ADAMTS17: variants seen among roughly 807,000 people sequenced by gnomAD.
ADAMTS17 encodes A disintegrin and metalloproteinase with thrombospondin motifs 17.
In ADAMTS17, 113 loss-of-function variants were observed where a neutral mutation model predicts 141.5. The observed-to-expected ratio is 0.80, with a 90% CI of 0.69 to 0.93. The LOEUF (loss-of-function observed/expected upper bound fraction) is 0.93. Ranked by LOEUF, ADAMTS17 falls within the 40% of genes least tolerant of loss-of-function variation. The pLI, the probability that ADAMTS17 is intolerant of heterozygous loss-of-function variation, is 0.00. For missense variants in ADAMTS17, 1,659 were observed against 1,517.9 expected, an observed-to-expected ratio of 1.09 and a Z score of -1.54; for synonymous variants, 768 against 630.6, an observed-to-expected ratio of 1.22 and a Z score of -3.27.
chr15:100,236,364 C>A (rs1490588099), intron 7 of ADAMTS17, among the ~76,000 whole-genome samples: 1 of 151,520 alleles, frequency 6.6e-6, no homozygotes, highest in Non-Finnish European at 1.5e-5. Context: ...GTCCCCACAC[C>A]AGCACCACCA....
At chr15:100,124,888 G>A (rs1256182854) in intron 12 of ADAMTS17, among the ~76,000 whole-genome samples, 1 of 152,210 alleles carries the variant, frequency 6.6e-6, no homozygotes, top group Non-Finnish European at 1.5e-5. Context: ...GCCCAGAGCA[G>A]AGAAGCAGCA....
intron 15 of ADAMTS17, among the ~76,000 whole-genome samples, chr15:100,086,886 G>A (rs1302610703): frequency 6.6e-6 from 1 of 152,086 alleles, no homozygotes. Context: ...ACAAGAGAAA[G>A]CAGGAAAGAT....
chr15:99,990,284 C>T (rs569700123), intron 20 of ADAMTS17, among the ~76,000 whole-genome samples: 46 of 152,244 alleles, frequency 3.0e-4, no homozygotes, highest in African/African-American at 1.1e-3. Context: ...AGCAATCCTG[C>T]CTTGGCCTCC....
At chr15:100,219,745 T>A (rs1262114618) in intron 7 of ADAMTS17, among the ~76,000 whole-genome samples, 1 of 152,140 alleles carries the variant, frequency 6.6e-6, no homozygotes, top group African/African-American at 2.4e-5. Flanking sequence ...TGGGTAAAAG[T>A]AAAAGGCCCC....
intron 8 of ADAMTS17, among the ~76,000 whole-genome samples, chr15:100,177,270 A>C (rs2040370614): frequency 6.6e-6 from 1 of 152,194 alleles, no homozygotes; most frequent in South Asian, 2.1e-4. Flanking sequence ...GTCTTTTCTA[A>C]TGTAAGCACT....
chr15:100,070,678 T>G (rs1396939235), intron 15 of ADAMTS17, among the ~76,000 whole-genome samples: 2 of 149,850 alleles, frequency 1.3e-5, no homozygotes, highest in South Asian at 2.1e-4. Flanking sequence ...GAAATAAAGA[T>G]GTTCTTTGAC....
Position 100,281,298 on chromosome 15 carries a change from G to A in ADAMTS17, c.720C>T (p.Ala240=), listed in dbSNP as rs1365475548. 9.3e-6 allele frequency: 15 copies of A among 1,609,108 alleles called. No individual in the cohort carries two copies. Among genetic ancestry groups the A allele is most frequent in the East Asian group, 8.9e-5 (4 of 44,888 alleles). ...CGTGGTACTGCACCATGTCGGCGTC[G>A]GCCACCACCAGGGTCTCCACCGTGT... ...SEHTVETLVV[A]DADMVQYHGA... is the part of the protein sequence containing the mutation. Residue 240 remains alanine, a synonymous_variant, in exon 4 of 22, where the codon GCC becomes GCT. Coordinates refer to ENST00000268070, the MANE Select transcript of ADAMTS17 (RefSeq NM_139057.4).
intron 10 of ADAMTS17, among the ~76,000 whole-genome samples, chr15:100,134,866 T>C (rs1310097568): frequency 6.6e-6 from 1 of 152,184 alleles, no homozygotes; most frequent in Non-Finnish European, 1.5e-5. Context: ...GTTCCCATGA[T>C]TGTTCACCCC....
intron 7 of ADAMTS17, among the ~76,000 whole-genome samples, chr15:100,214,416 T>G (rs1054082697): frequency 1.3e-5 from 2 of 152,230 alleles, no homozygotes; most frequent in Non-Finnish European, 1.5e-5. Flanking sequence ...AGTATCTGCT[T>G]TCCAGGCTGA....
intron 12 of ADAMTS17, among the ~76,000 whole-genome samples, chr15:100,119,050 A>C (rs1036836196): frequency 6.6e-6 from 1 of 151,954 alleles, no homozygotes; most frequent in African/African-American, 2.4e-5. Flanking sequence ...AGATACACAC[A>C]CACACACACA....
chr15:100,228,514 G>A lies in ADAMTS17; in HGVS notation c.1075+25622C>T, dbSNP rs1400418871. Among the ~76,000 whole-genome samples, 3 of 152,106 alleles carry A rather than the reference G, an allele frequency of 2.0e-5. No individual in the cohort carries two copies. In the East Asian group the frequency reaches 5.8e-4, roughly 29 times the overall value. ...TGCATTAATGAACTAACTGAAAGAG[G>A]GACTGGACCGAGGAGAAAAGGAAAA... On this transcript the variant is annotated intron_variant, in intron 7 of 21. Coordinates refer to ENST00000268070, the MANE Select transcript of ADAMTS17 (RefSeq NM_139057.4).
intron 10 of ADAMTS17, among the ~76,000 whole-genome samples, chr15:100,136,433 T>A (rs971586408): frequency 2.0e-5 from 3 of 152,220 alleles, no homozygotes; most frequent in African/African-American, 7.2e-5. Flanking sequence ...ATTCTTGTGA[T>A]ACATTTTCAC....
At chr15:100,210,230 CAAAAAAAAAAAA>C (rs34086690) in intron 7 of ADAMTS17, among the ~76,000 whole-genome samples, 17 of 31,186 alleles carry the variant, frequency 5.5e-4, no homozygotes, top group East Asian at 2.5e-3. Context: ...GACTCCATCT[CAAAAAAAAAAAA>C]AAAAAAAAAA....
intron 8 of ADAMTS17, among the ~76,000 whole-genome samples, chr15:100,178,255 T>G (rs1262196709): frequency 6.6e-6 from 1 of 152,146 alleles, no homozygotes; most frequent in Non-Finnish European, 1.5e-5. Flanking sequence ...ATCCTGTGGG[T>G]TACTTGAACA....
Position 100,288,883 on chromosome 15 carries a change from C to T in ADAMTS17, c.617-7482G>A, listed in dbSNP as rs553996347. 3.4e-4 allele frequency among the ~76,000 whole-genome samples: 51 copies of T among 152,194 alleles called. 1 individual carries two copies. The highest frequency in any genetic ancestry group is 3.4e-3 in the Middle Eastern group (1 of 294). On this transcript the variant is annotated intron_variant, in intron 3 of 21. Transcript: ENST00000268070. ...AATGAAGTTATTTAAATGCCAAATG[C>T]TCTCATCAAAAAAGTCAGAAAGATA...
At chr15:100,235,158 C>T (rs1311388931) in intron 7 of ADAMTS17, among the ~76,000 whole-genome samples, 3 of 152,068 alleles carry the variant, frequency 2.0e-5, no homozygotes, top group African/African-American at 4.8e-5. Flanking sequence ...CGGGGAGAAA[C>T]GGAAGGGAGA....
At chr15:100,155,936 C>G (rs1275990086) in intron 8 of ADAMTS17, among the ~76,000 whole-genome samples, 1 of 152,218 alleles carries the variant, frequency 6.6e-6, no homozygotes, top group African/African-American at 2.4e-5. Context: ...TTAGCTTATA[C>G]ACTTGCCCTC....
At chr15:100,262,313 C>T in intron 5 of ADAMTS17, 39 bp downstream of exon 5, 1 of 1,588,352 alleles carries the variant, frequency 6.3e-7, no homozygotes, top group African/African-American at 1.3e-5. Flanking sequence ...AGCCCAGCCA[C>T]ATTTTCTGCT....
Position 99,993,059 on chromosome 15 carries a change from C to T in ADAMTS17, c.2938G>A (p.Asp980Asn). ...YSGCYEWKTG[D>N]WSTCSSTCGK... The stretch of plus-strand genomic sequence containing the variant: ...CAGGCTGCTCTCACCGTAGACCAGT[C>T]CCCAGTTTTCCACTCGTAGCAGCCT... The change falls in exon 20 of 22, where the codon GAC (aspartate) becomes AAC (asparagine). Residue 980 changes from aspartate to asparagine, a missense_variant. Coordinates refer to ENST00000268070, the MANE Select transcript of ADAMTS17 (RefSeq NM_139057.4). The surrounding 1 kb of genome is among the most constrained non-coding windows in gnomAD (Gnocchi z 4.3). 2 of 1,614,124 alleles carry T rather than the reference C, an allele frequency of 1.2e-6. No individual in the cohort carries two copies. Among genetic ancestry groups the T allele is most frequent in the Non-Finnish European group, 1.7e-6 (2 of 1,180,050 alleles).
Sources: allele counts gnomAD v4.1 joint callset (sites outside exome capture counted in the v4.1 genomes callset), GRCh38; gene constraint gnomAD v4.1.1; non-coding constraint Gnocchi (gnomAD v3.1); transcripts MANE v1.5; gene names NCBI Gene and HGNC (gene_info 2026-07-23, HGNC 2026-07-21).